Variants in OCM observed in about 807,000 individuals in gnomAD.
OCM encodes oncomodulin-1.
In OCM, 18 loss-of-function variants were observed where a neutral mutation model predicts 14.1. That is an observed-to-expected ratio of 1.28 (90% CI 0.88 to 1.89). The LOEUF (loss-of-function observed/expected upper bound fraction) is 1.89. OCM is among the 40% of genes most tolerant of loss of function. The pLI is 0.00. For synonymous variants in OCM, 48 were observed against 51.0 expected (o/e 0.94, Z 0.25); for missense variants, 140 against 137.6 (o/e 1.02, Z -0.09).
At chr7:5,883,478 G>T (rs6961376) in intron 2 of OCM, among the ~76,000 whole-genome samples, 6,320 of 152,184 alleles carry the variant, frequency 0.042, 462 homozygotes, top group African/African-American at 0.14. Flanking sequence ...GAGCCCAGGG[G>T]TTCCAGACCA....
At chr7:5,885,596 TTTTC>T (rs1554279977) in intron 3 of OCM, among the ~76,000 whole-genome samples, 21 of 151,728 alleles carry the variant, frequency 1.4e-4, no homozygotes, top group Admixed American at 7.3e-4. Context: ...CAGGGTTTTT[TTTTC>T]TTTCTTTCTT....
chr7:5,877,841 AAAAGG>A (rs1781126669), upstream of OCM, among the ~76,000 whole-genome samples: 1 of 149,190 alleles, frequency 6.7e-6, no homozygotes, highest in Non-Finnish European at 1.5e-5. Flanking sequence ...AAAAAAAAAA[AAAAGG>A]AGATCCTGAC....
chr7:5,862,573 G>T, the OCM span, among the ~76,000 whole-genome samples: 29 of 152,298 alleles, frequency 1.9e-4, no homozygotes, highest in African/African-American at 7.0e-4. Flanking sequence ...AATGCAGCAT[G>T]GCCCTATTCC....
upstream of OCM, among the ~76,000 whole-genome samples, chr7:5,876,192 C>CG (rs1781091834): frequency 6.6e-5 from 10 of 152,010 alleles, no homozygotes; most frequent in Admixed American, 6.6e-4. Context: ...TTAGTAGAGA[C>CG]GGAGTTTCAC....
the OCM span, among the ~76,000 whole-genome samples, chr7:5,864,042 A>C: frequency 6.6e-6 from 1 of 151,820 alleles, no homozygotes; most frequent in Non-Finnish European, 1.5e-5. Context: ...CTGGGGAACA[A>C]GGGGGGCAAA....
intron 1 of OCM, among the ~76,000 whole-genome samples, chr7:5,882,171 C>G (rs12540576): frequency 0.17 from 25,991 of 148,806 alleles, 2,989 homozygotes; most frequent in Admixed American, 0.37. Flanking sequence ...TTTCCCCCTA[C>G]CAATTAGACC....
chr7:5,883,902 G>A lies in OCM; in HGVS notation c.207G>A (p.Gln69=). Residue 69 remains glutamine, a synonymous_variant, in exon 3 of 4, where the codon CAG becomes CAA. Transcript: ENST00000242104. ...LDEEELKFFL[Q]KFESGARELT... The stretch of plus-strand genomic sequence containing the variant: ...TATTATCCTGTAGGTTTTTCCTCCA[G>A]AAGTTTGAGAGTGGTGCCAGAGAAC... 1 of 1,612,718 alleles carries A rather than the reference G, an allele frequency of 6.2e-7. No individual in the cohort carries two copies. Among genetic ancestry groups the A allele is most frequent in the Non-Finnish European group, 8.5e-7 (1 of 1,179,176 alleles).
the OCM span, among the ~76,000 whole-genome samples, chr7:5,862,432 C>G: frequency 1.3e-5 from 2 of 152,186 alleles, no homozygotes; most frequent in Admixed American, 1.3e-4. Context: ...CAGGATACAT[C>G]TCCCCCTATA....
At chr7:5,885,671 C>T (rs1294624073) in intron 3 of OCM, among the ~76,000 whole-genome samples, 2 of 146,642 alleles carry the variant, frequency 1.4e-5, no homozygotes, top group Non-Finnish European at 3.0e-5. Context: ...AGTGCAATGG[C>T]GTGATTTCGG....
chr7:5,882,588 A>G lies in OCM; in HGVS notation c.157A>G (p.Asn53Asp). 2 of 1,614,110 alleles carry G rather than the reference A, an allele frequency of 1.2e-6. No individual in the cohort carries two copies. Among genetic ancestry groups the G allele is most frequent in the Non-Finnish European group, 1.7e-6 (2 of 1,180,004 alleles). ...QVKDVFRFID[N>D]DQSGYLDEEE... ...GAAGGATGTTTTCCGGTTCATAGAC[A>G]ACGACCAGAGCGGGTACCTGGATGA... Residue 53 changes from asparagine to aspartate, a missense_variant, in exon 2 of 4, where the codon AAC (asparagine) becomes GAC (aspartate). Asn to Asp is a conservative substitution (Grantham distance 23). Coordinates refer to ENST00000242104, the MANE Select transcript of OCM (RefSeq NM_001097622.2).
chr7:5,866,667 TAAC>T, the OCM span, among the ~76,000 whole-genome samples: 2 of 152,216 alleles, frequency 1.3e-5, no homozygotes, highest in African/African-American at 4.8e-5. Flanking sequence ...CTCCCAGTAA[TAAC>T]TGCTAAAACC....
upstream of OCM, among the ~76,000 whole-genome samples, chr7:5,877,968 G>C (rs1781129175): frequency 7.5e-6 from 1 of 132,950 alleles, no homozygotes; most frequent in Non-Finnish European, 1.6e-5. Flanking sequence ...AGATAAAGCA[G>C]TCAAACTCTT....
chr7:5,872,248 C>T, the OCM span, among the ~76,000 whole-genome samples: 1 of 152,134 alleles, frequency 6.6e-6, no homozygotes, highest in South Asian at 2.1e-4. Flanking sequence ...ATCCCCCATC[C>T]TTGTTATTCA....
the OCM span, among the ~76,000 whole-genome samples, chr7:5,860,931 T>A: frequency 6.6e-6 from 1 of 151,446 alleles, no homozygotes; most frequent in South Asian, 2.1e-4. Context: ...GACCACAGAG[T>A]TGGCCAGAGA....
chr7:5,862,348 C>T, the OCM span, among the ~76,000 whole-genome samples: 2 of 152,088 alleles, frequency 1.3e-5, no homozygotes, highest in African/African-American at 4.8e-5. Flanking sequence ...CAGGTGCCCA[C>T]CAAGACAGAA....
At chr7:5,865,239 G>A in the OCM span, among the ~76,000 whole-genome samples, 12 of 152,318 alleles carry the variant, frequency 7.9e-5, no homozygotes, top group South Asian at 2.3e-3. Context: ...ATTCTAATGA[G>A]AACTTTGCCC....
the OCM span, among the ~76,000 whole-genome samples, chr7:5,860,340 A>ATG: frequency 3.2e-4 from 47 of 147,228 alleles, 2 homozygotes; most frequent in Non-Finnish European, 2.4e-4. Context: ...GGCTCTCCGT[A>ATG]TGTGTGTGTG....
chr7:5,864,676 C>G, the OCM span, among the ~76,000 whole-genome samples: 1 of 151,670 alleles, frequency 6.6e-6, no homozygotes, highest in Non-Finnish European at 1.5e-5. Flanking sequence ...TCAAATAGGC[C>G]GGGCACCGTG....
At chr7:5,882,464 G>A (rs753531529) in intron 1 of OCM, 29 bp from the exon 2 acceptor site, 53 of 1,599,538 alleles carry the variant, frequency 3.3e-5, no homozygotes, top group South Asian at 3.1e-4. Context: ...TCCAACAAGC[G>A]TCAGAATAAC....
Sources: gnomAD v4.1 joint callset for allele counts (sites outside exome capture counted in the v4.1 genomes callset) on GRCh38, gnomAD v4.1.1 for gene constraint, MANE v1.5 for transcripts, NCBI Gene and HGNC (gene_info 2026-07-23, HGNC 2026-07-21) for gene names.